Variants in EVA1C observed in about 807,000 individuals in gnomAD.
EVA1C encodes eva-1 homolog C.
A neutral mutation model predicts 45.4 loss-of-function variants in EVA1C; 25 were observed. The observed-to-expected ratio is 0.55, with a 90% CI of 0.40 to 0.77. EVA1C has a LOEUF of 0.77. EVA1C is among the 30% of genes least tolerant of loss of function. The pLI is 0.00. For synonymous variants in EVA1C, 190 were observed against 221.2 expected, an observed-to-expected ratio of 0.86 and a Z score of 1.25; for missense variants, 479 against 554.8, an observed-to-expected ratio of 0.86 and a Z score of 1.37.
chr21:32,505,321 T>C (rs2037690794), intron 7 of EVA1C, among the ~76,000 whole-genome samples: 1 of 152,200 alleles, frequency 6.6e-6, no homozygotes, highest in African/African-American at 2.4e-5. Context: ...AGCCACCTTC[T>C]CATTTTCATG....
chr21:32,495,217 G>C (rs994978510), intron 5 of EVA1C, 47 bp downstream of exon 5: 1 of 1,598,234 alleles, frequency 6.3e-7, no homozygotes, highest in Non-Finnish European at 8.5e-7. Context: ...TGCCTCTTTT[G>C]GGGGAGGGTG....
At chr21:32,499,300 C>T (rs909630221) in intron 5 of EVA1C, among the ~76,000 whole-genome samples, 9 of 152,166 alleles carry the variant, frequency 5.9e-5, no homozygotes, top group Admixed American at 1.3e-4. Context: ...GAAATGAATG[C>T]GAGGTAATTA....
At chr21:32,505,969 T>C (rs539215687) in intron 7 of EVA1C, among the ~76,000 whole-genome samples, 2 of 152,184 alleles carry the variant, frequency 1.3e-5, no homozygotes, top group East Asian at 3.9e-4. Context: ...GCCATTTGCC[T>C]GAGGACACCA....
intron 4 of EVA1C, among the ~76,000 whole-genome samples, chr21:32,488,587 C>CT (rs1555872653): frequency 0.013 from 1,933 of 148,018 alleles, 49 homozygotes; most frequent in African/African-American, 0.043. Flanking sequence ...AGCTGTTGGC[C>CT]TTTTTTTTTT....
chr21:32,430,068 G>C, intron 1 of EVA1C, among the ~76,000 whole-genome samples: 1 of 152,348 alleles, frequency 6.6e-6, no homozygotes, highest in South Asian at 2.1e-4. Context: ...GGGCAGGGCA[G>C]AGGGGGGCAC....
In EVA1C at chr21:32,515,361, T is replaced by G. The variant is rs944045321; in HGVS notation, c.*171T>G. 1.8e-6 allele frequency: 1 copy of G among 563,704 alleles called. No individual in the cohort carries two copies. Among genetic ancestry groups the G allele is most frequent in the African/African-American group, 1.9e-5 (1 of 53,662 alleles). 34.9% of individuals were successfully genotyped at this position (563,704 alleles called of 1,614,324 possible). The stretch of plus-strand genomic sequence containing the variant: ...ATGTTTCAAGCTGTTTCTAGCACAT[T>G]CCAAAATAAATGAGGAGGGAAGAGT... On this transcript the variant is annotated 3_prime_UTR_variant, in exon 8 of 8. Coordinates refer to ENST00000300255, the MANE Select transcript of EVA1C (RefSeq NM_058187.5).
At chr21:32,450,797 C>T (rs1335695824) in intron 1 of EVA1C, among the ~76,000 whole-genome samples, 1 of 152,166 alleles carries the variant, frequency 6.6e-6, no homozygotes, top group Non-Finnish European at 1.5e-5. Flanking sequence ...TTGGCCTGGT[C>T]TCTTGGTGCC....
intron 7 of EVA1C, among the ~76,000 whole-genome samples, chr21:32,512,609 G>A (rs551454619): frequency 6.6e-6 from 1 of 152,270 alleles, no homozygotes; most frequent in East Asian, 1.9e-4. Flanking sequence ...GTACCTCAGA[G>A]GCTTGAGCTG....
At chr21:32,511,428 A>G (rs2037946413) in intron 7 of EVA1C, among the ~76,000 whole-genome samples, 1 of 150,546 alleles carries the variant, frequency 6.6e-6, no homozygotes, top group Non-Finnish European at 1.5e-5. Context: ...TCAAAAAAAA[A>G]AAAAAAAAAA....
rs117869597 is a variant in EVA1C at position 32,462,629 on chromosome 21, G to T, written c.481+4909G>T. Among the ~76,000 whole-genome samples, 941 of 152,318 alleles carry T rather than the reference G, an allele frequency of 6.2e-3. 15 individuals are homozygous for T. Among genetic ancestry groups the T allele is most frequent in the Admixed American group, 0.035 (539 of 15,288 alleles). The stretch of plus-strand genomic sequence containing the variant: ...ATCTCTGCCACACTGTGACATGTTC[G>T]TGATGGCCATGATGCCCATGCTGGA... On this transcript the variant is annotated intron_variant, in intron 3 of 7. Transcript: ENST00000300255.
intron 1 of EVA1C, 170 bp from the exon 2 acceptor site, chr21:32,453,142 C>T: frequency 3.2e-5 from 17 of 528,748 alleles, no homozygotes; most frequent in Non-Finnish European, 5.2e-5. Flanking sequence ...TGTGCCCCAC[C>T]TCTGGGCCTG....
chr21:32,505,381 C>T (rs2833856), intron 7 of EVA1C, among the ~76,000 whole-genome samples: 68,692 of 151,968 alleles, frequency 0.45, 16,978 homozygotes, highest in East Asian at 0.68. Flanking sequence ...AGGATTTTTA[C>T]TGTCAGAAAT....
At chr21:32,509,735 ACT>A (rs2037885147) in intron 7 of EVA1C, among the ~76,000 whole-genome samples, 1 of 150,702 alleles carries the variant, frequency 6.6e-6, no homozygotes, top group African/African-American at 2.4e-5. Context: ...CATTCAAGAT[ACT>A]CTGAGACTAA....
At chr21:32,445,929 C>T (rs773020888) in intron 1 of EVA1C, among the ~76,000 whole-genome samples, 28 of 152,062 alleles carry the variant, frequency 1.8e-4, no homozygotes, top group Non-Finnish European at 2.8e-4. Context: ...GATCCCTGAG[C>T]GATGTGAAGC....
chr21:32,464,560 G>A (rs552834183), intron 3 of EVA1C, among the ~76,000 whole-genome samples: 18 of 152,180 alleles, frequency 1.2e-4, no homozygotes, highest in South Asian at 2.1e-4. Context: ...GGTGACTCAC[G>A]CCTGTAATCC....
chr21:32,490,840 C>T (rs1336202062), intron 4 of EVA1C, among the ~76,000 whole-genome samples: 2 of 152,212 alleles, frequency 1.3e-5, no homozygotes, highest in African/African-American at 2.4e-5. Context: ...GAGCAGCTAG[C>T]TCCAATGCCT....
chr21:32,480,757 G>A (rs1036054224), intron 4 of EVA1C, among the ~76,000 whole-genome samples: 2 of 152,178 alleles, frequency 1.3e-5, no homozygotes, highest in Non-Finnish European at 2.9e-5. Flanking sequence ...GAGGTCAGGA[G>A]TTTGAGACCA....
At chr21:32,433,610 C>A (rs114184181) in intron 1 of EVA1C, among the ~76,000 whole-genome samples, 2,110 of 123,698 alleles carry the variant, frequency 0.017, no homozygotes, top group Middle Eastern at 0.029. Flanking sequence ...TCAGGTTGTC[C>A]CTCACTGGTC....
In EVA1C at chr21:32,458,482, C is replaced by CT. The variant is rs60556962; in HGVS notation, c.481+779dup. 1.5e-3 allele frequency among the ~76,000 whole-genome samples: 209 copies of CT among 142,642 alleles called. 1 individual carries two copies. The highest frequency in any genetic ancestry group is 3.1e-3 in the South Asian group (14 of 4,518). 93.6% of individuals were successfully genotyped at this position (142,642 alleles called of 152,430 possible). A position where few individuals can be genotyped will look rare whatever the true frequency, so the allele number is the denominator to read the frequency against. ...AACCAAAAAAATGAGAAGTTAAGCA[C>CT]TTTTTTTTTTTTTTTTTGAGACAGA... is the stretch of plus-strand genomic sequence containing the variant. On this transcript the variant is annotated intron_variant, in intron 3 of 7. Coordinates refer to ENST00000300255, the MANE Select transcript of EVA1C (RefSeq NM_058187.5).
Sources: allele counts gnomAD v4.1 joint callset (sites outside exome capture counted in the v4.1 genomes callset), GRCh38; gene constraint gnomAD v4.1.1; transcripts MANE v1.5; gene names NCBI Gene and HGNC (gene_info 2026-07-23, HGNC 2026-07-21).